The following EDARADD variants were observed in gnomAD, a reference collection of about 807,000 sequenced individuals.
EDARADD encodes ectodysplasin-A receptor-associated adapter protein.
In EDARADD, 20 loss-of-function variants were observed where a neutral mutation model predicts 25.6. That is an observed-to-expected ratio of 0.78 (90% CI 0.55 to 1.14). EDARADD has a LOEUF of 1.14. Among genes scored for constraint, EDARADD ranks in the 50% most tolerant of loss-of-function variants. The pLI, the probability that EDARADD is intolerant of heterozygous loss-of-function variation, is 0.00. For missense variants in EDARADD, 225 were observed against 270.1 expected (o/e 0.83, Z 1.17); for synonymous variants, 86 against 94.4 (o/e 0.91, Z 0.52).
At chr1:236,446,044 G>A in intron 4 of EDARADD, among the ~76,000 whole-genome samples, 1 of 152,148 alleles carries the variant, frequency 6.6e-6, no homozygotes, top group East Asian at 1.9e-4. Context: ...GCAGCGCATG[G>A]CACTTATACT....
At chr1:236,381,333 T>C (rs1667293548) in intron 3 of EDARADD, among the ~76,000 whole-genome samples, 2 of 151,630 alleles carry the variant, frequency 1.3e-5, no homozygotes, top group African/African-American at 2.4e-5. Context: ...TTATTTTTTA[T>C]TTTTATTTAC....
chr1:236,427,293 A>C, intron 3 of EDARADD, 99 bp from the exon 4 acceptor site: 1 of 1,156,276 alleles, frequency 8.6e-7, no homozygotes, highest in Non-Finnish European at 1.2e-6. Flanking sequence ...CCAAGGCAGC[A>C]TGTGACACTG....
At chr1:236,355,994 A>G (rs879359665) in intron 3 of EDARADD, among the ~76,000 whole-genome samples, 1 of 152,198 alleles carries the variant, frequency 6.6e-6, no homozygotes, top group Non-Finnish European at 1.5e-5. Flanking sequence ...TATATATTTT[A>G]AAAATAGAGT....
chr1:236,433,464 C>T (rs900368584), intron 4 of EDARADD, among the ~76,000 whole-genome samples: 3 of 151,710 alleles, frequency 2.0e-5, no homozygotes, highest in African/African-American at 7.3e-5. Flanking sequence ...GCACCCACCA[C>T]CACACCCAGA....
chr1:236,393,691 C>G (rs1667463290), upstream of EDARADD, among the ~76,000 whole-genome samples: 1 of 152,030 alleles, frequency 6.6e-6, no homozygotes, highest in Admixed American at 6.5e-5. Context: ...GCCACTGCAC[C>G]CAGCCCAAAA....
chr1:236,400,842 G>A (rs999921082), intron 1 of EDARADD, among the ~76,000 whole-genome samples: 3 of 151,070 alleles, frequency 2.0e-5, no homozygotes, highest in African/African-American at 7.3e-5. Context: ...TTATAGGAGT[G>A]AGCCACCACA....
intron 4 of EDARADD, among the ~76,000 whole-genome samples, chr1:236,460,808 A>C (rs778244682): frequency 5.3e-5 from 8 of 150,768 alleles, no homozygotes; most frequent in Non-Finnish European, 1.0e-4. Context: ...TGACATGAGA[A>C]AGTTTTGTGG....
upstream of EDARADD, among the ~76,000 whole-genome samples, chr1:236,394,019 A>T (rs1042396991): frequency 6.6e-6 from 1 of 152,098 alleles, no homozygotes; most frequent in Admixed American, 6.6e-5. Flanking sequence ...AAACCCTTAA[A>T]ATATACCACC....
chr1:236,427,036 C>T (rs1351004384), intron 3 of EDARADD, among the ~76,000 whole-genome samples: 1 of 152,184 alleles, frequency 6.6e-6, no homozygotes, highest in Non-Finnish European at 1.5e-5. Flanking sequence ...CATGCGCTAC[C>T]ACTCTTGGCT....
intron 4 of EDARADD, among the ~76,000 whole-genome samples, chr1:236,450,910 A>ACAT (rs1658694738): frequency 6.6e-6 from 1 of 152,108 alleles, no homozygotes; most frequent in Non-Finnish European, 1.5e-5. Flanking sequence ...CTCACTTTAC[A>ACAT]CATCGAGATC....
At chr1:236,415,101 C>A (rs662509) in intron 3 of EDARADD, among the ~76,000 whole-genome samples, 67,750 of 151,924 alleles carry the variant, frequency 0.45, 17,444 homozygotes, top group Non-Finnish European at 0.59. Flanking sequence ...TTTCCACCAG[C>A]ACGGATAGCA....
chr1:236,440,727 G>C (rs544835668), intron 4 of EDARADD, among the ~76,000 whole-genome samples: 1 of 152,082 alleles, frequency 6.6e-6, no homozygotes, highest in African/African-American at 2.4e-5. Context: ...GATGATCTGT[G>C]ACTCGTGATC....
chr1:236,395,737 C>T lies in EDARADD; in HGVS notation c.61+1232C>T. On this transcript the variant is annotated intron_variant, in intron 1 of 5. Coordinates refer to ENST00000334232, the MANE Select transcript of EDARADD (RefSeq NM_145861.4). The surrounding 1 kb of genome is among the most constrained non-coding windows in gnomAD (Gnocchi z 6.9). The stretch of plus-strand genomic sequence containing the variant: ...GAGCTCGGGAGGCGCTCGCAGCAGC[C>T]GCAGGGCTATCGAGGCCGGGCCTCG... The T allele has an allele frequency of 6.6e-7, 1 of 1,513,378 alleles. No homozygotes were observed. The highest frequency in any genetic ancestry group is 8.8e-7 in the Non-Finnish European group (1 of 1,136,670). 93.7% of individuals were successfully genotyped at this position (1,513,378 alleles called of 1,614,324 possible).
intron 3 of EDARADD, among the ~76,000 whole-genome samples, chr1:236,360,537 G>GATTTTTTTTTTTTTTTTTT (rs1558100082): frequency 7.6e-6 from 1 of 131,266 alleles, no homozygotes. Context: ...TTAATTCACG[G>GATTTTTTTTTTTTTTTTTT]TTTTTTTTTT....
intron 1 of EDARADD, among the ~76,000 whole-genome samples, chr1:236,406,107 A>G (rs908839816): frequency 6.6e-6 from 1 of 151,518 alleles, no homozygotes; most frequent in Non-Finnish European, 1.5e-5. Flanking sequence ...TGTTGATGCT[A>G]TTAACAAGCC....
intron 3 of EDARADD, among the ~76,000 whole-genome samples, chr1:236,363,428 C>T (rs1270262437): frequency 1.3e-5 from 2 of 151,602 alleles, no homozygotes; most frequent in African/African-American, 4.8e-5. Flanking sequence ...ACGTCCCCCA[C>T]ATGTTCCTTC....
At chr1:236,429,684 C>T (rs1440390465) in intron 4 of EDARADD, among the ~76,000 whole-genome samples, 1 of 152,074 alleles carries the variant, frequency 6.6e-6, no homozygotes, top group Non-Finnish European at 1.5e-5. Context: ...TGCACCTGGC[C>T]AGAATGTTCA....
intron 4 of EDARADD, among the ~76,000 whole-genome samples, chr1:236,448,349 T>C (rs1021589862): frequency 1.3e-5 from 2 of 152,228 alleles, no homozygotes; most frequent in African/African-American, 2.4e-5. Context: ...GTGGTCTGCA[T>C]GTGGGCTGCT....
intron 3 of EDARADD, among the ~76,000 whole-genome samples, chr1:236,364,427 CA>C (rs1010110734): frequency 6.6e-6 from 1 of 151,784 alleles, no homozygotes. Context: ...TCAATTTCCA[CA>C]AAAAAAACTA....
Sources: allele counts gnomAD v4.1 joint callset (sites outside exome capture counted in the v4.1 genomes callset), GRCh38; gene constraint gnomAD v4.1.1; non-coding constraint Gnocchi (gnomAD v3.1); transcripts MANE v1.5; gene names NCBI Gene and HGNC (gene_info 2026-07-23, HGNC 2026-07-21).